Variants in ASB2 observed in about 807,000 individuals in gnomAD.
ASB2 encodes ankyrin repeat and SOCS box containing 2.
In ASB2, 58 loss-of-function variants were observed where a neutral mutation model predicts 62.4. The observed-to-expected ratio is 0.93, with a 90% CI of 0.75 to 1.16. The LOEUF (loss-of-function observed/expected upper bound fraction) is 1.16. ASB2 is among the 50% of genes most tolerant of loss of function. The probability of loss-of-function intolerance (pLI) is 0.00; values close to 1 mark genes in which losing one functional copy is unlikely to be tolerated. For missense variants in ASB2, 928 were observed against 887.9 expected, an observed-to-expected ratio of 1.05 and a Z score of -0.57; for synonymous variants, 386 against 385.3, an observed-to-expected ratio of 1.00 and a Z score of -0.02.
Position 93,937,708 on chromosome 14 carries a change from C to T in ASB2, c.1761G>A (p.Lys587=). 6.2e-7 allele frequency: 1 copy of T among 1,607,814 alleles called. No homozygotes were observed. Among genetic ancestry groups the T allele is most frequent in the Non-Finnish European group, 8.5e-7 (1 of 1,174,688 alleles). ...GCAGCAAGTCCCTACCTGCCTTCTC[C>T]TTGATGACGGCCCAGTCCTCAAAGC... ...IDSFEDWAVI[K]EKAEPPRPLA... Residue 587 remains lysine, a synonymous_variant, in exon 9 of 10, where the codon AAG becomes AAA. Transcript: ENST00000555019.
intron 7 of ASB2, among the ~76,000 whole-genome samples, chr14:93,946,297 A>C (rs1351705639): frequency 6.6e-6 from 1 of 152,230 alleles, no homozygotes; most frequent in Non-Finnish European, 1.5e-5. Context: ...TGAGGCTCAC[A>C]TGGGAGGCAG....
At position 93,939,926 on chromosome 14, in the gene ASB2, G is replaced by A. The variant is rs183712609; in HGVS notation, c.1053-254C>T. 90 of 429,782 alleles carry A rather than the reference G, an allele frequency of 2.1e-4. No homozygotes were observed. In the East Asian group the frequency reaches 3.2e-3, roughly 15 times the overall value. The allele number at this position is 429,782 out of a possible 1,614,324, so 26.6% of individuals were successfully genotyped here. Reference sequence around the variant, plus strand: ...AGAGAGCTTCAGCCACCCTCCCAAAGTCACATAGCCAGTAAGGGGCAGAGC... The same window carrying A: ...AGAGAGCTTCAGCCACCCTCCCAAAATCACATAGCCAGTAAGGGGCAGAGC... On this transcript the variant is annotated intron_variant, in intron 7 of 9. Coordinates refer to ENST00000555019, the MANE Select transcript of ASB2 (RefSeq NM_001202429.2).
chr14:93,972,585 G>A (rs943144842), intron 1 of ASB2, among the ~76,000 whole-genome samples: 12 of 152,226 alleles, frequency 7.9e-5, no homozygotes, highest in African/African-American at 2.9e-4. Context: ...ACGTCAGCCT[G>A]CGCCGTCTTC....
intron 1 of ASB2, among the ~76,000 whole-genome samples, chr14:93,972,036 AATAAT>A (rs1889769658): frequency 6.8e-6 from 1 of 148,144 alleles, no homozygotes; most frequent in Non-Finnish European, 1.5e-5. Flanking sequence ...TTTTTATATT[AATAAT>A]ATAATATATA....
chr14:93,950,485 G>T (rs940569720), intron 6 of ASB2, among the ~76,000 whole-genome samples: 1 of 152,188 alleles, frequency 6.6e-6, no homozygotes, highest in Non-Finnish European at 1.5e-5. Context: ...GTGTGACCTT[G>T]GACAAATCAC....
intron 6 of ASB2, among the ~76,000 whole-genome samples, chr14:93,947,995 G>GAAAAAA (rs55666799): frequency 0.012 from 863 of 72,248 alleles, 28 homozygotes; most frequent in Middle Eastern, 0.024. Context: ...ACTCCGCCTG[G>GAAAAAA]AAAAAAAAAA....
intron 1 of ASB2, among the ~76,000 whole-genome samples, chr14:93,974,432 A>T (rs1052394733): frequency 2.6e-5 from 4 of 152,236 alleles, no homozygotes; most frequent in African/African-American, 9.6e-5. Flanking sequence ...GGGCAGCCTG[A>T]TCCTCTGCAG....
At chr14:93,940,002 C>T in intron 7 of ASB2, 1 of 319,026 alleles carries the variant, frequency 3.1e-6, no homozygotes. Context: ...TTCTTAAAAA[C>T]CTCAGCCAGA....
chr14:93,942,722 G>A (rs1888574638), intron 7 of ASB2, among the ~76,000 whole-genome samples: 1 of 152,210 alleles, frequency 6.6e-6, no homozygotes, highest in Non-Finnish European at 1.5e-5. Flanking sequence ...GGGAAACTGG[G>A]AGGCTCAGAG....
At chr14:93,935,936 T>C (rs1050313991) in intron 9 of ASB2, among the ~76,000 whole-genome samples, 2 of 152,240 alleles carry the variant, frequency 1.3e-5, no homozygotes, top group Non-Finnish European at 2.9e-5. Flanking sequence ...ATAATGTGGT[T>C]ACCTTGTACA....
chr14:93,943,092 C>T (rs1888591408), intron 7 of ASB2, among the ~76,000 whole-genome samples: 1 of 152,196 alleles, frequency 6.6e-6, no homozygotes, highest in African/African-American at 2.4e-5. Flanking sequence ...TCATAACAAT[C>T]CGGCAAGGTA....
chr14:93,955,201 T>C lies in ASB2; in HGVS notation c.312-718A>G. The C allele has an allele frequency of 6.6e-6, 3 of 456,200 alleles. No homozygotes were observed. The Admixed American group carries it at 7.1e-5, about 11-fold the overall frequency. The allele number at this position is 456,200 out of a possible 1,614,324, so 28.3% of individuals were successfully genotyped here. On this transcript the variant is annotated intron_variant, in intron 3 of 9. Coordinates refer to ENST00000555019, the MANE Select transcript of ASB2 (RefSeq NM_001202429.2). ...TGCATCAATAGTCCCATTTCCCAGA[T>C]GGAGAAGGTGAGGCTGGAGGCAGGC...
intron 5 of ASB2, 146 bp downstream of exon 5, chr14:93,953,206 A>G: frequency 1.4e-6 from 1 of 713,722 alleles, no homozygotes; most frequent in Non-Finnish European, 2.3e-6. Flanking sequence ...AAATACATGC[A>G]GGAATGAATG....
chr14:93,950,957 C>A (rs762106604), intron 6 of ASB2, 42 bp downstream of exon 6: 3 of 1,585,380 alleles, frequency 1.9e-6, no homozygotes, highest in African/African-American at 1.3e-5. Context: ...TTCCCGTGTG[C>A]CCTTTGGGGA....
intron 2 of ASB2, among the ~76,000 whole-genome samples, chr14:93,959,878 C>A (rs542597706): frequency 6.6e-6 from 1 of 152,078 alleles, no homozygotes; most frequent in South Asian, 2.1e-4. Context: ...ATGCAGGGGG[C>A]AGGTAGGCAC....
At position 93,951,239 on chromosome 14, in the gene ASB2, C is replaced by T. The variant is rs768806227; in HGVS notation, c.640G>A (p.Glu214Lys). 1.3e-6 allele frequency: 2 copies of T among 1,598,358 alleles called. No individual in the cohort carries two copies. The highest frequency in any genetic ancestry group is 8.5e-7 in the Non-Finnish European group (1 of 1,173,246). ...TTCACGGCCTCCGCGTTCTTGCGCTCGCAGGCTGTGCTCAGGGGGAAGCAG... is the reference window on the plus strand; with the variant it reads ...TTCACGGCCTCCGCGTTCTTGCGCTTGCAGGCTGTGCTCAGGGGGAAGCAG... ...SRETPLYKACERKNAEAVKIL... is the reference protein window; with the variant it reads ...SRETPLYKACKRKNAEAVKIL... Residue 214 changes from glutamate (E) to lysine (K), a missense_variant, in exon 6 of 10, where the codon GAG (glutamate) becomes AAG (lysine). By Grantham distance (56) the Glu-to-Lys change is moderately conservative. Transcript: ENST00000555019.
At chr14:93,951,824 G>C (rs1398320742) in intron 5 of ASB2, among the ~76,000 whole-genome samples, 9 of 152,198 alleles carry the variant, frequency 5.9e-5, no homozygotes, top group Admixed American at 5.9e-4. Context: ...TCCAGCAAAG[G>C]CTACTAATTT....
At chr14:93,951,275 C>G in intron 5 of ASB2, 31 bp from the exon 6 acceptor site, 3 of 1,564,864 alleles carry the variant, frequency 1.9e-6, no homozygotes, top group Non-Finnish European at 2.6e-6. Flanking sequence ...GGATGGTCAG[C>G]AGGGCCTGGC....
chr14:93,944,545 C>G (rs74073598), intron 7 of ASB2, among the ~76,000 whole-genome samples: 1 of 152,190 alleles, frequency 6.6e-6, no homozygotes, highest in Non-Finnish European at 1.5e-5. Context: ...ATCAAATCCC[C>G]GAGCAGAGGG....
Sources: allele counts gnomAD v4.1 joint callset (sites outside exome capture counted in the v4.1 genomes callset), GRCh38; gene constraint gnomAD v4.1.1; transcripts MANE v1.5; gene names NCBI Gene and HGNC (gene_info 2026-07-23, HGNC 2026-07-21).